The following CDKAL1 variants were observed in gnomAD, a reference collection of about 807,000 sequenced individuals.
CDKAL1 encodes the protein CDKAL1 threonylcarbamoyladenosine tRNA methylthiotransferase, also known as threonylcarbamoyladenosine tRNA methylthiotransferase.
Under a neutral mutation model 68.2 loss-of-function variants are expected in CDKAL1, and 32 were observed. That is an observed-to-expected ratio of 0.47 (90% confidence interval 0.35 to 0.63). The LOEUF is 0.63. Among genes scored for constraint, CDKAL1 ranks in the 30% least tolerant of loss-of-function variants. CDKAL1 has a pLI of 0.00. For synonymous variants in CDKAL1, 234 were observed against 244.3 expected, an observed-to-expected ratio of 0.96 and a Z score of 0.39; for missense variants, 606 against 696.7, an observed-to-expected ratio of 0.87 and a Z score of 1.47.
At position 21,059,924 on chromosome 6, in the gene CDKAL1, C is replaced by A. The variant is rs1055581914; in HGVS notation, c.1056-5124C>A. 2.0e-5 allele frequency among the ~76,000 whole-genome samples: 3 copies of A among 152,264 alleles called. No homozygotes were observed. In the East Asian group the frequency reaches 5.8e-4, roughly 29 times the overall value. The stretch of plus-strand genomic sequence containing the variant: ...TCCCTCGCTCCTGTCCCACCCTCCC[C>A]CTTCTGAGTCTTCACTGTTCATTAT... On this transcript the variant is annotated intron_variant, in intron 11 of 15. Coordinates refer to ENST00000274695, the MANE Select transcript of CDKAL1 (RefSeq NM_017774.3).
intron 4 of CDKAL1, among the ~76,000 whole-genome samples, chr6:20,646,560 C>T (rs1469888007): frequency 6.6e-6 from 1 of 151,956 alleles, no homozygotes; most frequent in Non-Finnish European, 1.5e-5. Flanking sequence ...TATTTTGAAA[C>T]CAATGTTGGC....
At chr6:20,791,450 C>T (rs1336704364) in intron 8 of CDKAL1, among the ~76,000 whole-genome samples, 3 of 152,048 alleles carry the variant, frequency 2.0e-5, no homozygotes, top group East Asian at 3.8e-4. Flanking sequence ...TAAACCATAA[C>T]GTCAGTGGCC....
intron 5 of CDKAL1, among the ~76,000 whole-genome samples, chr6:20,725,805 G>C (rs201308301): frequency 8.3e-6 from 1 of 121,008 alleles, no homozygotes; most frequent in Non-Finnish European, 1.7e-5. Context: ...AAAAAAAAAA[G>C]AAAAAGTTAC....
At chr6:20,850,763 G>T (rs1248371469) in intron 9 of CDKAL1, among the ~76,000 whole-genome samples, 1 of 152,022 alleles carries the variant, frequency 6.6e-6, no homozygotes, top group African/African-American at 2.4e-5. Context: ...TTTCTTGTTA[G>T]TCTAATGAAT....
At chr6:20,743,042 TAGTG>T (rs1397039348) in intron 6 of CDKAL1, among the ~76,000 whole-genome samples, 1 of 152,168 alleles carries the variant, frequency 6.6e-6, no homozygotes, top group Non-Finnish European at 1.5e-5. Flanking sequence ...TTCTCAAATA[TAGTG>T]AGTTACAGTG....
chr6:20,698,364 A>G (rs1368067945), intron 5 of CDKAL1, among the ~76,000 whole-genome samples: 1 of 152,236 alleles, frequency 6.6e-6, no homozygotes, highest in Non-Finnish European at 1.5e-5. Flanking sequence ...CTCACAACCA[A>G]GAAATTAACA....
intron 10 of CDKAL1, among the ~76,000 whole-genome samples, chr6:20,992,905 G>GAA (rs57746939): frequency 0.09 from 12,981 of 143,962 alleles, 699 homozygotes; most frequent in Middle Eastern, 0.17. Flanking sequence ...CTGTCTCAAA[G>GAA]AAAAAAAAAA....
intron 4 of CDKAL1, among the ~76,000 whole-genome samples, chr6:20,625,107 G>C (rs570879250): frequency 6.6e-6 from 1 of 152,202 alleles, no homozygotes; most frequent in South Asian, 2.1e-4. Context: ...TCTGGGTTAA[G>C]ATGTTACAGA....
intron 9 of CDKAL1, among the ~76,000 whole-genome samples, chr6:20,875,631 T>TA (rs1760473539): frequency 6.6e-6 from 1 of 152,174 alleles, no homozygotes; most frequent in African/African-American, 2.4e-5. Context: ...CCTTGGCTTT[T>TA]AAAAATTAAG....
chr6:21,131,105 A>G (rs138065936), intron 13 of CDKAL1, among the ~76,000 whole-genome samples: 268 of 152,336 alleles, frequency 1.8e-3, no homozygotes, highest in African/African-American at 5.8e-3. Flanking sequence ...AATATTACGT[A>G]TATGTCTGTG....
intron 5 of CDKAL1, among the ~76,000 whole-genome samples, chr6:20,676,725 T>C (rs1467588595): frequency 6.7e-6 from 1 of 150,024 alleles, no homozygotes; most frequent in Non-Finnish European, 1.5e-5. Context: ...AATAAAAAAG[T>C]CTTTTATGCT....
intron 9 of CDKAL1, among the ~76,000 whole-genome samples, chr6:20,851,513 G>A (rs1276599590): frequency 6.6e-6 from 1 of 152,092 alleles, no homozygotes; most frequent in Admixed American, 6.6e-5. Context: ...TGGATGAGCT[G>A]TTTTTATAGC....
At chr6:20,931,029 C>T (rs770092970) in intron 9 of CDKAL1, among the ~76,000 whole-genome samples, 4 of 152,152 alleles carry the variant, frequency 2.6e-5, no homozygotes, top group Non-Finnish European at 5.9e-5. Context: ...AGGCGTGAGC[C>T]ACCGCGCCCG....
At chr6:20,966,332 T>G (rs1765311239) in intron 10 of CDKAL1, among the ~76,000 whole-genome samples, 1 of 152,214 alleles carries the variant, frequency 6.6e-6, no homozygotes, top group Non-Finnish European at 1.5e-5. Flanking sequence ...TTAATATCAT[T>G]TAACAGTAAA....
At chr6:21,174,908 T>A (rs1025980850) in intron 13 of CDKAL1, among the ~76,000 whole-genome samples, 2 of 152,168 alleles carry the variant, frequency 1.3e-5, no homozygotes, top group Non-Finnish European at 2.9e-5. Context: ...TTAAATAAAT[T>A]ATGGCATCTT....
chr6:20,597,476 A>G (rs1765883126), intron 4 of CDKAL1, among the ~76,000 whole-genome samples: 1 of 149,858 alleles, frequency 6.7e-6, no homozygotes, highest in South Asian at 2.1e-4. Context: ...GTGCAGTGGC[A>G]TAATATTGGC....
At chr6:20,740,268 G>C (rs570217008) in intron 6 of CDKAL1, among the ~76,000 whole-genome samples, 3 of 152,024 alleles carry the variant, frequency 2.0e-5, no homozygotes, top group Non-Finnish European at 2.9e-5. Flanking sequence ...CTCAATAAGT[G>C]TTTGTTGATT....
chr6:20,934,208 G>A lies in CDKAL1; in HGVS notation c.743-21211G>A, dbSNP rs530743050. ...GACAAGGGCATTTCTAGAATCAGGG[G>A]ACTAGAGTGGATTTCATCTACTCTA... On this transcript the variant is annotated intron_variant, in intron 9 of 15. Transcript: ENST00000274695. Among the ~76,000 whole-genome samples, 13 of 152,234 alleles carry A rather than the reference G, an allele frequency of 8.5e-5. No individual in the cohort carries two copies. The South Asian group carries it at 2.5e-3, about 29-fold the overall frequency.
At chr6:20,540,251 T>A (rs1418661689) in intron 2 of CDKAL1, among the ~76,000 whole-genome samples, 1 of 151,450 alleles carries the variant, frequency 6.6e-6, no homozygotes, top group African/African-American at 2.4e-5. Flanking sequence ...TTTTTTGTAT[T>A]TTTAGTAGAG....
Sources: gnomAD v4.1 joint callset for allele counts (sites outside exome capture counted in the v4.1 genomes callset) on GRCh38, gnomAD v4.1.1 for gene constraint, MANE v1.5 for transcripts, NCBI Gene and HGNC (gene_info 2026-07-23, HGNC 2026-07-21) for gene names.